ANKFN1: variants seen among roughly 807,000 people sequenced by gnomAD.
ANKFN1 encodes ankyrin repeat and fibronectin type-III domain-containing protein 1.
ANKFN1 carries 74 observed loss-of-function variants against 108.7 expected under a neutral mutation model. That is an observed-to-expected ratio of 0.68 (90% CI 0.56 to 0.83). ANKFN1 has a LOEUF of 0.83. Ranked by LOEUF, ANKFN1 falls within the 40% of genes least tolerant of loss-of-function variation. ANKFN1 has a pLI of 0.00. For synonymous variants in ANKFN1, 547 were observed against 516.2 expected, an observed-to-expected ratio of 1.06 and a Z score of -0.81; for missense variants, 1,505 against 1,382.3, an observed-to-expected ratio of 1.09 and a Z score of -1.41.
At chr17:56,501,844 G>A (rs1295400032) in intron 20 of ANKFN1, among the ~76,000 whole-genome samples, 1 of 152,050 alleles carries the variant, frequency 6.6e-6, no homozygotes. Flanking sequence ...AATGTGTAGA[G>A]AAAGGTTAAA....
At chr17:56,241,615 T>C (rs1917588208) in intron 3 of ANKFN1, among the ~76,000 whole-genome samples, 1 of 152,122 alleles carries the variant, frequency 6.6e-6, no homozygotes, top group Non-Finnish European at 1.5e-5. Context: ...CCCTAGTGGA[T>C]GGTTGAAACT....
At chr17:56,362,221 C>T (rs1304822963) in intron 6 of ANKFN1, among the ~76,000 whole-genome samples, 1 of 152,070 alleles carries the variant, frequency 6.6e-6, no homozygotes, top group East Asian at 1.9e-4. Context: ...AATAAAATGA[C>T]CCAAGAGTTT....
At chr17:56,419,799 A>C (rs2048344636) in intron 8 of ANKFN1, among the ~76,000 whole-genome samples, 2 of 141,102 alleles carry the variant, frequency 1.4e-5, no homozygotes, top group Admixed American at 1.4e-4. Context: ...CAACAGAAAG[A>C]GACCCTGTCT....
chr17:56,448,861 C>T (rs1457331321), intron 10 of ANKFN1, among the ~76,000 whole-genome samples: 1 of 152,182 alleles, frequency 6.6e-6, no homozygotes, highest in African/African-American at 2.4e-5. Context: ...CCTAAGACTG[C>T]CCGACACAAG....
At position 56,185,938 on chromosome 17, in the gene ANKFN1, AG is replaced by A. The variant is rs1912157330; in HGVS notation, c.-70-26659del. Among the ~76,000 whole-genome samples the A allele has an allele frequency of 2.6e-5, 4 of 152,116 alleles. No individual in the cohort carries two copies. The South Asian group carries it at 8.3e-4, about 32-fold the overall frequency. On this transcript the variant is annotated intron_variant, in intron 1 of 20. Transcript: ENST00000682825. ...AAAAATTAAAGTGAAAAAAAAAATAAGAAAAAGCAATAGACCCATTAGTTTG... is the reference window on the plus strand; with the variant it reads ...AAAAATTAAAGTGAAAAAAAAAATAAAAAAAGCAATAGACCCATTAGTTTG...
intron 3 of ANKFN1, among the ~76,000 whole-genome samples, chr17:56,276,916 G>A (rs2043950450): frequency 6.6e-6 from 1 of 151,976 alleles, no homozygotes; most frequent in Non-Finnish European, 1.5e-5. Flanking sequence ...TGCTGAGGGA[G>A]CCCCAGCTTC....
chr17:56,153,356 C>G (rs1046375221), upstream of ANKFN1: 10 of 886,818 alleles, frequency 1.1e-5, no homozygotes, highest in Admixed American at 2.0e-4. Context: ...TCTGGACACT[C>G]CTGGAGCCAA....
At chr17:56,471,716 G>T (rs2050323465) in intron 15 of ANKFN1, 1 of 152,226 alleles carries the variant, frequency 6.6e-6, no homozygotes, top group South Asian at 2.1e-4. Flanking sequence ...CCATTAAAAT[G>T]AATCACATAT....
chr17:56,305,785 A>C (rs963137991), intron 3 of ANKFN1, among the ~76,000 whole-genome samples: 2 of 152,102 alleles, frequency 1.3e-5, no homozygotes, highest in Non-Finnish European at 2.9e-5. Context: ...TTTATATTTA[A>C]ATTTGTAGTC....
At chr17:56,130,479 T>G (rs1907217005) in intron 4 of ANKFN1, among the ~76,000 whole-genome samples, 1 of 152,110 alleles carries the variant, frequency 6.6e-6, no homozygotes. Flanking sequence ...ATGGCTGTTT[T>G]TAACTGTTTA....
At chr17:56,445,556 C>G (rs2049258452) in intron 10 of ANKFN1, among the ~76,000 whole-genome samples, 2 of 152,096 alleles carry the variant, frequency 1.3e-5, no homozygotes, top group Admixed American at 6.5e-5. Context: ...CAGACATGCC[C>G]TATCGCTTGG....
At chr17:56,073,085 C>T (rs1201521053) in intron 4 of ANKFN1, among the ~76,000 whole-genome samples, 4 of 151,460 alleles carry the variant, frequency 2.6e-5, no homozygotes, top group East Asian at 1.9e-4. Context: ...CTCCGCCTCC[C>T]GGGTTCACGC....
chr17:56,063,851 C>T (rs1905017938), intron 4 of ANKFN1, among the ~76,000 whole-genome samples: 1 of 152,076 alleles, frequency 6.6e-6, no homozygotes. Context: ...GAGTTTTCAG[C>T]ATTTTTTTCT....
At chr17:56,107,546 G>A (rs1435899185) in intron 4 of ANKFN1, among the ~76,000 whole-genome samples, 3 of 152,126 alleles carry the variant, frequency 2.0e-5, no homozygotes, top group Non-Finnish European at 4.4e-5. Context: ...GGAGCTTGTT[G>A]GGAAACTAAG....
At chr17:56,218,364 T>G (rs1915588946) in intron 2 of ANKFN1, among the ~76,000 whole-genome samples, 1 of 152,160 alleles carries the variant, frequency 6.6e-6, no homozygotes. Context: ...TTCATACTTC[T>G]TCCCTATTTT....
intron 4 of ANKFN1, among the ~76,000 whole-genome samples, chr17:56,345,016 G>C (rs1457885228): frequency 6.6e-6 from 1 of 151,952 alleles, no homozygotes; most frequent in Non-Finnish European, 1.5e-5. Flanking sequence ...CATGTATTAG[G>C]TATTTGTCCT....
intron 4 of ANKFN1, among the ~76,000 whole-genome samples, chr17:56,143,772 A>G (rs1465152232): frequency 6.6e-6 from 1 of 152,168 alleles, no homozygotes; most frequent in Non-Finnish European, 1.5e-5. Flanking sequence ...GAGAAGGCCA[A>G]GTGAAGCCGA....
At chr17:56,215,666 C>T (rs1024618795) in intron 2 of ANKFN1, 16 of 152,222 alleles carry the variant, frequency 1.1e-4, no homozygotes, top group Non-Finnish European at 1.8e-4. Context: ...CAGATAGGGC[C>T]AGCTCCATGG....
chr17:56,154,290 G>A (rs1908876869), intron 1 of ANKFN1, among the ~76,000 whole-genome samples: 1 of 152,002 alleles, frequency 6.6e-6, no homozygotes, highest in Non-Finnish European at 1.5e-5. Context: ...TCCTGGTAGG[G>A]GATACTAATA....
Sources: gnomAD v4.1 joint callset for allele counts (sites outside exome capture counted in the v4.1 genomes callset) on GRCh38, gnomAD v4.1.1 for gene constraint, MANE v1.5 for transcripts, NCBI Gene and HGNC (gene_info 2026-07-23, HGNC 2026-07-21) for gene names.